Variants in TENM2 observed in about 807,000 individuals in gnomAD.
TENM2 encodes teneurin-2.
A neutral mutation model predicts 245.2 loss-of-function variants in TENM2; 52 were observed. The ratio of observed to expected loss-of-function variants is 0.21; its 90% confidence interval spans 0.17 to 0.27. The LOEUF is 0.27. Among genes scored for constraint, TENM2 ranks in the 10% least tolerant of loss-of-function variants. TENM2 has a pLI of 1.00. For synonymous variants in TENM2, 1,363 were observed against 1,438.9 expected (o/e 0.95, Z 1.19); for missense variants, 3,046 against 3,666.8 (o/e 0.83, Z 4.37).
chr5:168,178,210 C>G (rs1274044374), intron 13 of TENM2, among the ~76,000 whole-genome samples: 1 of 152,226 alleles, frequency 6.6e-6, no homozygotes, highest in Non-Finnish European at 1.5e-5. Flanking sequence ...AGGGCCCCAG[C>G]AGGTCACTGT....
chr5:167,873,830 T>C (rs78009001), intron 2 of TENM2, among the ~76,000 whole-genome samples: 3 of 152,164 alleles, frequency 2.0e-5, no homozygotes, highest in African/African-American at 7.2e-5. Context: ...CAAACAGCCA[T>C]GAATGAATGG....
At chr5:167,155,164 G>A in the TENM2 span, among the ~76,000 whole-genome samples, 1 of 152,224 alleles carries the variant, frequency 6.6e-6, no homozygotes, top group Admixed American at 6.5e-5. Flanking sequence ...GTGTCATAAG[G>A]CGCAGTGTAG....
intron 2 of TENM2, among the ~76,000 whole-genome samples, chr5:167,422,875 A>G (rs1320955571): frequency 6.6e-6 from 1 of 152,286 alleles, no homozygotes; most frequent in East Asian, 1.9e-4. Flanking sequence ...AGATTTGTTC[A>G]ACTGAAATGA....
At chr5:167,352,699 A>G (rs916093802) in intron 1 of TENM2, among the ~76,000 whole-genome samples, 4 of 152,254 alleles carry the variant, frequency 2.6e-5, no homozygotes, top group African/African-American at 9.6e-5. Context: ...CACAATTTTT[A>G]TAAAAAATTT....
At chr5:167,966,866 G>A (rs771927079) in intron 4 of TENM2, 1 of 152,128 alleles carries the variant, frequency 6.6e-6, no homozygotes, top group Non-Finnish European at 1.5e-5. Context: ...CAAATCAATA[G>A]GCAGCTTGAT....
the TENM2 span, among the ~76,000 whole-genome samples, chr5:167,088,299 A>C: frequency 6.6e-6 from 1 of 152,204 alleles, no homozygotes; most frequent in Non-Finnish European, 1.5e-5. Context: ...GATACCTGAC[A>C]TGGAGAACAT....
chr5:167,184,711 C>T, the TENM2 span, among the ~76,000 whole-genome samples: 1 of 152,062 alleles, frequency 6.6e-6, no homozygotes, highest in Non-Finnish European at 1.5e-5. Context: ...GCCCTCATCC[C>T]ATCTGTGCTG....
the TENM2 span, among the ~76,000 whole-genome samples, chr5:167,035,410 G>A: frequency 1.3e-4 from 20 of 152,186 alleles, no homozygotes; most frequent in Non-Finnish European, 2.9e-5. Flanking sequence ...TGAAGAACAT[G>A]TTTTAGTGCA....
At chr5:167,915,086 G>A (rs1308046792) in intron 3 of TENM2, among the ~76,000 whole-genome samples, 1 of 152,134 alleles carries the variant, frequency 6.6e-6, no homozygotes, top group Non-Finnish European at 1.5e-5. Context: ...AGATGAGGTT[G>A]TGGACATCTT....
At chr5:167,067,803 G>A in the TENM2 span, among the ~76,000 whole-genome samples, 2 of 152,104 alleles carry the variant, frequency 1.3e-5, no homozygotes, top group East Asian at 3.9e-4. Context: ...TGTTTCAGGA[G>A]CCTCTGGATG....
chr5:168,227,505 C>CATT (rs1198595336), intron 24 of TENM2, among the ~76,000 whole-genome samples: 3 of 147,308 alleles, frequency 2.0e-5, no homozygotes, highest in Non-Finnish European at 4.5e-5. Flanking sequence ...AAACTGAAGT[C>CATT]ATTTGCCTTT....
At chr5:167,029,326 A>C in the TENM2 span, among the ~76,000 whole-genome samples, 2 of 152,184 alleles carry the variant, frequency 1.3e-5, no homozygotes, top group Admixed American at 1.3e-4. Flanking sequence ...ACATAGCAAG[A>C]ATACCATTTT....
chr5:167,676,766 T>A (rs1353589844), intron 2 of TENM2, among the ~76,000 whole-genome samples: 2 of 152,138 alleles, frequency 1.3e-5, no homozygotes, highest in Non-Finnish European at 2.9e-5. Context: ...AATAAGCCAC[T>A]GTATCTTTTG....
chr5:167,783,871 G>A lies in TENM2; in HGVS notation c.503-92115G>A, dbSNP rs557037702. On this transcript the variant is annotated intron_variant, in intron 2 of 28. Transcript: ENST00000518659. ...CCCCAAGGTGGCAAGAAGTCCCCCG[G>A]GGGGACTTGACCAGGGCCTTGGTCA... Among the ~76,000 whole-genome samples the A allele has an allele frequency of 5.9e-5, 9 of 152,100 alleles. No individual in the cohort carries two copies. In the East Asian group the frequency reaches 1.2e-3, roughly 20 times the overall value.
the TENM2 span, among the ~76,000 whole-genome samples, chr5:167,030,373 G>T: frequency 6.6e-6 from 1 of 152,136 alleles, no homozygotes; most frequent in Non-Finnish European, 1.5e-5. Flanking sequence ...AAAATTGGTA[G>T]CCACAACAGC....
At position 167,384,051 on chromosome 5, in the gene TENM2, T is replaced by C. The variant is rs1004938567; in HGVS notation, c.502+8578T>C. On this transcript the variant is annotated intron_variant, in intron 2 of 28. Coordinates refer to ENST00000518659, the Ensembl canonical transcript of TENM2. ...GTGGCAACCTGTTTGGTTGTCTTTG[T>C]ATTGGTAATGACCGTATGTGCTAAT... Among the ~76,000 whole-genome samples the C allele has an allele frequency of 4.6e-5, 7 of 152,202 alleles. No homozygotes were observed. The East Asian group carries it at 1.4e-3, about 29-fold the overall frequency.
intron 2 of TENM2, among the ~76,000 whole-genome samples, chr5:167,702,260 A>T (rs1758188438): frequency 6.6e-6 from 1 of 152,188 alleles, no homozygotes; most frequent in African/African-American, 2.4e-5. Flanking sequence ...ATGAAATAAC[A>T]TCTGAACTTC....
intron 2 of TENM2, among the ~76,000 whole-genome samples, chr5:167,466,795 C>T (rs1766682540): frequency 6.6e-6 from 1 of 152,086 alleles, no homozygotes; most frequent in Non-Finnish European, 1.5e-5. Context: ...CGAGTTCTGA[C>T]TTAGTTTGTA....
chr5:167,757,884 A>T (rs28653102), intron 2 of TENM2, among the ~76,000 whole-genome samples: 1 of 152,152 alleles, frequency 6.6e-6, no homozygotes, highest in South Asian at 2.1e-4. Context: ...GGGGTTTCAC[A>T]TTAGAAGAAT....
Sources: allele counts gnomAD v4.1 joint callset (sites outside exome capture counted in the v4.1 genomes callset), GRCh38; gene constraint gnomAD v4.1.1; transcripts MANE v1.5; gene names NCBI Gene and HGNC (gene_info 2026-07-23, HGNC 2026-07-21).